GRID2: variants seen among roughly 807,000 people sequenced by gnomAD.
The protein encoded by GRID2 is glutamate ionotropic receptor delta type subunit 2, also known as glutamate receptor ionotropic, delta-2.
In GRID2, 33 loss-of-function variants were observed where a neutral mutation model predicts 114.8. The ratio of observed to expected loss-of-function variants is 0.29; its 90% CI spans 0.22 to 0.38. GRID2 has a LOEUF of 0.38. Among genes scored for constraint, GRID2 ranks in the 10% least tolerant of loss-of-function variants. The pLI, the probability that GRID2 is intolerant of heterozygous loss-of-function variation, is 1.00. For missense variants in GRID2, 1,184 were observed against 1,257.7 expected (o/e 0.94, Z 0.89); for synonymous variants, 505 against 449.9 (o/e 1.12, Z -1.55).
chr4:92,434,828 C>T (rs975231906), intron 1 of GRID2, among the ~76,000 whole-genome samples: 2 of 152,038 alleles, frequency 1.3e-5, no homozygotes, highest in Non-Finnish European at 2.9e-5. Flanking sequence ...GTATTTCCTA[C>T]TGGATATGTG....
chr4:93,300,747 T>C (rs1754782209), intron 8 of GRID2, among the ~76,000 whole-genome samples: 1 of 152,182 alleles, frequency 6.6e-6, no homozygotes, highest in Non-Finnish European at 1.5e-5. Flanking sequence ...ATTGGCAAGC[T>C]ACTGCCTTAA....
At chr4:93,441,016 A>G (rs1028217241) in intron 10 of GRID2, among the ~76,000 whole-genome samples, 1 of 152,080 alleles carries the variant, frequency 6.6e-6, no homozygotes, top group African/African-American at 2.4e-5. Flanking sequence ...AGGACAAACA[A>G]AACTTCAGTA....
At chr4:92,757,866 T>C (rs1390954797) in intron 2 of GRID2, among the ~76,000 whole-genome samples, 1 of 151,692 alleles carries the variant, frequency 6.6e-6, no homozygotes, top group African/African-American at 2.4e-5. Flanking sequence ...AAAAGGTTTA[T>C]ACATTGGATT....
intron 2 of GRID2, among the ~76,000 whole-genome samples, chr4:93,042,609 T>TTC (rs35806940): frequency 0.13 from 16,007 of 122,588 alleles, 1,040 homozygotes; most frequent in Admixed American, 0.15. Flanking sequence ...GATGAATCTT[T>TTC]TCTCTCTCTC....
At chr4:92,473,950 A>G (rs1266443308) in intron 1 of GRID2, among the ~76,000 whole-genome samples, 1 of 141,414 alleles carries the variant, frequency 7.1e-6, no homozygotes, top group Non-Finnish European at 1.5e-5. Flanking sequence ...CATCACCTCA[A>G]ATTGTTATCT....
intron 10 of GRID2, among the ~76,000 whole-genome samples, chr4:93,448,796 C>CT (rs1722344786): frequency 1.4e-4 from 1 of 7,040 alleles, no homozygotes; most frequent in Non-Finnish European, 3.4e-4. Context: ...CTCCCCTTCC[C>CT]TTCCCTTCCC....
intron 2 of GRID2, among the ~76,000 whole-genome samples, chr4:92,703,856 T>A (rs1290389740): frequency 6.6e-6 from 1 of 152,106 alleles, no homozygotes; most frequent in Non-Finnish European, 1.5e-5. Flanking sequence ...CTTTTGTATA[T>A]ATCTATTGGT....
chr4:92,929,366 A>C lies in GRID2; in HGVS notation c.245-155629A>C, dbSNP rs1750058173. ...GTTTCTTTTTTTCTCATTTTATATA[A>C]CACCTATATTTTGATTAAAAAAATT... On this transcript the variant is annotated intron_variant, in intron 2 of 15. Coordinates refer to ENST00000282020, the MANE Select transcript of GRID2 (RefSeq NM_001510.4). Among the ~76,000 whole-genome samples, 3 of 151,266 alleles carry C rather than the reference A, an allele frequency of 2.0e-5. No homozygotes were observed. In the Admixed American group the frequency reaches 2.0e-4, roughly 10 times the overall value.
intron 4 of GRID2, among the ~76,000 whole-genome samples, chr4:93,153,809 T>G (rs1024791976): frequency 1.3e-5 from 2 of 152,102 alleles, no homozygotes; most frequent in African/African-American, 4.8e-5. Context: ...AATTTAGTTC[T>G]CCTAAGATTC....
intron 2 of GRID2, among the ~76,000 whole-genome samples, chr4:92,783,531 A>C (rs76455637): frequency 0.033 from 4,973 of 152,146 alleles, 137 homozygotes; most frequent in East Asian, 0.12. Context: ...TTTTCTTTAG[A>C]TGTTTTGCTC....
chr4:93,766,413 C>A (rs908937498), intron 14 of GRID2, among the ~76,000 whole-genome samples: 28 of 152,140 alleles, frequency 1.8e-4, no homozygotes, highest in Non-Finnish European at 3.7e-4. Flanking sequence ...TCGTGAGACT[C>A]ACTATCACAA....
intron 1 of GRID2, among the ~76,000 whole-genome samples, chr4:92,539,291 CA>C (rs1248802001): frequency 1.3e-5 from 2 of 152,032 alleles, no homozygotes; most frequent in Admixed American, 6.6e-5. Flanking sequence ...TAAATTTACA[CA>C]GAGAAACATG....
chr4:92,316,436 C>A (rs1429262942), intron 1 of GRID2, among the ~76,000 whole-genome samples: 1 of 152,068 alleles, frequency 6.6e-6, no homozygotes, highest in Non-Finnish European at 1.5e-5. Context: ...CCATTAATTT[C>A]AAGCTGAGAA....
At chr4:92,805,474 A>G (rs1386075098) in intron 2 of GRID2, among the ~76,000 whole-genome samples, 1 of 152,036 alleles carries the variant, frequency 6.6e-6, no homozygotes, top group Non-Finnish European at 1.5e-5. Context: ...TAGCAAAAGC[A>G]TTTCTTTCAT....
chr4:93,375,779 A>G (rs1366582622), intron 8 of GRID2, among the ~76,000 whole-genome samples: 1 of 152,222 alleles, frequency 6.6e-6, no homozygotes, highest in Non-Finnish European at 1.5e-5. Context: ...TCTTTATTCA[A>G]ATATTTCAGC....
At position 93,373,130 on chromosome 4, in the gene GRID2, A is replaced by G. The variant is rs1356770211; in HGVS notation, c.1246-22477A>G. On this transcript the variant is annotated intron_variant, in intron 8 of 15. Transcript: ENST00000282020. ...CCTCCTTTATTCAGTCTTATTTCCTATCATTTCCCCACAGGAACTATTTGC... is the reference window on the plus strand; with the variant it reads ...CCTCCTTTATTCAGTCTTATTTCCTGTCATTTCCCCACAGGAACTATTTGC... 2.6e-5 allele frequency among the ~76,000 whole-genome samples: 4 copies of G among 152,078 alleles called. No homozygotes were observed. In the East Asian group the frequency reaches 5.8e-4, roughly 22 times the overall value.
At chr4:92,690,816 TA>T (rs796832525) in intron 2 of GRID2, among the ~76,000 whole-genome samples, 52 of 148,452 alleles carry the variant, frequency 3.5e-4, no homozygotes, top group African/African-American at 9.9e-4. Flanking sequence ...TTTATTCAAT[TA>T]AAAAAAAAAC....
intron 13 of GRID2, among the ~76,000 whole-genome samples, chr4:93,601,059 G>A (rs937415507): frequency 3.3e-5 from 5 of 152,168 alleles, no homozygotes; most frequent in African/African-American, 1.2e-4. Context: ...GAAATGTTCT[G>A]TATCTTAACT....
At chr4:92,726,329 G>A (rs1257917841) in intron 2 of GRID2, among the ~76,000 whole-genome samples, 2 of 152,068 alleles carry the variant, frequency 1.3e-5, no homozygotes, top group Non-Finnish European at 2.9e-5. Flanking sequence ...GTAATGCATT[G>A]TACTGTAGTG....
Sources: gnomAD v4.1 joint callset for allele counts (sites outside exome capture counted in the v4.1 genomes callset) on GRCh38, gnomAD v4.1.1 for gene constraint, MANE v1.5 for transcripts, NCBI Gene and HGNC (gene_info 2026-07-23, HGNC 2026-07-21) for gene names.